Variants in MOSPD1 observed in about 807,000 individuals in gnomAD.
MOSPD1 encodes the protein motile sperm domain containing 1, also known as motile sperm domain-containing protein 1.
In MOSPD1, 5 loss-of-function variants were observed where a neutral mutation model predicts 16.7. That is an observed-to-expected ratio of 0.30 (90% CI 0.16 to 0.63). The LOEUF (loss-of-function observed/expected upper bound fraction) is 0.63. Ranked by LOEUF, MOSPD1 falls within the 30% of genes least tolerant of loss-of-function variation. MOSPD1 has a pLI of 0.82. For synonymous variants in MOSPD1, 67 were observed against 59.2 expected (o/e 1.13, Z -0.61); for missense variants, 104 against 153.6 (o/e 0.68, Z 1.71).
At chrX:134,891,142 A>G (rs1356223308) in intron 5 of MOSPD1, among the ~76,000 whole-genome samples, 2 of 111,635 alleles carry the variant, frequency 1.8e-5, no homozygotes, top group African/African-American at 3.2e-5. Context: ...GTTCATCTTT[A>G]TCACTGTATG....
chrX:134,913,510 T>C (rs186355257), intron 1 of MOSPD1, among the ~76,000 whole-genome samples: 3 of 112,336 alleles, frequency 2.7e-5, no homozygotes, highest in African/African-American at 9.7e-5. Flanking sequence ...TGATCATTTC[T>C]TAACTGTTAG....
chrX:134,911,190 G>C (rs1487245585), intron 1 of MOSPD1, among the ~76,000 whole-genome samples: 1 of 111,773 alleles, frequency 8.9e-6, no homozygotes, highest in Non-Finnish European at 1.9e-5. Context: ...GCACAGAACT[G>C]ACCAATTCAG....
chrX:134,891,880 C>A (rs1480406575), intron 4 of MOSPD1, among the ~76,000 whole-genome samples: 1 of 111,599 alleles, frequency 9.0e-6, no homozygotes, highest in Admixed American at 9.6e-5. Context: ...TGAGTTCTTA[C>A]TGAAAGGTGG....
At chrX:134,910,065 A>G (rs1437774040) in intron 1 of MOSPD1, among the ~76,000 whole-genome samples, 1 of 111,672 alleles carries the variant, frequency 9.0e-6, no homozygotes, top group Non-Finnish European at 1.9e-5. Flanking sequence ...ATATTATATG[A>G]TTATATATAT....
At chrX:134,903,711 CAAAA>C (rs772831491) in intron 1 of MOSPD1, among the ~76,000 whole-genome samples, 1 of 54,970 alleles carries the variant, frequency 1.8e-5, no homozygotes. Flanking sequence ...GACTCCATCT[CAAAA>C]AAAAAAAAAA....
chrX:134,887,710 T>G lies in MOSPD1; in HGVS notation c.*1451A>C, dbSNP rs1447433309. On this transcript the variant is annotated 3_prime_UTR_variant, in exon 6 of 6. Transcript: ENST00000370783. ...GTTATTACACACACACATGTGCACT[T>G]GCACACACGTGCACACACAGGACTT... 8.8e-6 allele frequency: 1 copy of G among 113,479 alleles called. No individual in the cohort carries two copies. The highest frequency in any genetic ancestry group is 3.2e-5 in the African/African-American group (1 of 31,208). The allele number at this position is 113,479 out of a possible 1,213,427, so 9.4% of individuals were successfully genotyped here.
At chrX:134,896,518 C>T (rs1387119977) in intron 4 of MOSPD1, among the ~76,000 whole-genome samples, 1 of 111,407 alleles carries the variant, frequency 9.0e-6, no homozygotes, top group Non-Finnish European at 1.9e-5. Flanking sequence ...AAGTATGGTG[C>T]CTGCAGTCTT....
chrX:134,907,040 C>T (rs926413094), intron 1 of MOSPD1, among the ~76,000 whole-genome samples: 7 of 111,008 alleles, frequency 6.3e-5, no homozygotes, highest in African/African-American at 2.3e-4. Flanking sequence ...ACCAGCCTGG[C>T]CATCATGGTG....
intron 1 of MOSPD1, among the ~76,000 whole-genome samples, chrX:134,906,374 C>T (rs905094434): frequency 1.9e-5 from 2 of 105,919 alleles, no homozygotes; most frequent in East Asian, 2.9e-4. Context: ...TTTGTAGAGA[C>T]GGGGTTTCAC....
At chrX:134,904,990 T>C (rs900882340) in intron 1 of MOSPD1, among the ~76,000 whole-genome samples, 2 of 111,733 alleles carry the variant, frequency 1.8e-5, no homozygotes, top group African/African-American at 6.5e-5. Flanking sequence ...GGAGATGGAC[T>C]GATCTTCAAG....
intron 1 of MOSPD1, among the ~76,000 whole-genome samples, chrX:134,907,727 C>T (rs759466765): frequency 3.0e-4 from 34 of 112,432 alleles, no homozygotes; most frequent in Non-Finnish European, 4.3e-4. Context: ...ATTAGCTGGG[C>T]GTGGTAGTGC....
chrX:134,905,564 TA>T (rs56221511), intron 1 of MOSPD1, among the ~76,000 whole-genome samples: 3 of 105,702 alleles, frequency 2.8e-5, no homozygotes, highest in South Asian at 4.1e-4. Flanking sequence ...AACGAATATT[TA>T]AAAAAAAAAT....
At chrX:134,897,758 G>A (rs1189781323) in intron 3 of MOSPD1, among the ~76,000 whole-genome samples, 1 of 111,480 alleles carries the variant, frequency 9.0e-6, no homozygotes, top group Non-Finnish European at 1.9e-5. Flanking sequence ...TTCCATGTAT[G>A]CAGGTAGAAA....
At chrX:134,907,292 A>G (rs891270397) in intron 1 of MOSPD1, among the ~76,000 whole-genome samples, 8 of 112,125 alleles carry the variant, frequency 7.1e-5, no homozygotes, top group Non-Finnish European at 1.5e-4. Flanking sequence ...CCTAATCTGT[A>G]GCAATTGTCC....
rs1013527542 is a variant in MOSPD1 at position 134,888,429 on chromosome X, G to A, written c.*732C>T. On this transcript the variant is annotated 3_prime_UTR_variant, in exon 6 of 6. Coordinates refer to ENST00000370783, the MANE Select transcript of MOSPD1 (RefSeq NM_019556.3). The stretch of plus-strand genomic sequence containing the variant: ...ACACAAAGCATTAACCAGAGGTAAA[G>A]CCAGGGTGAACCAACTAATTAAACA... 1 of 111,287 alleles carries A rather than the reference G, an allele frequency of 9.0e-6. No homozygotes were observed. The highest frequency in any genetic ancestry group is 3.3e-5 in the African/African-American group (1 of 30,516). The allele number at this position is 111,287 out of a possible 1,213,427, so 9.2% of individuals were successfully genotyped here. A position where few individuals can be genotyped will look rare whatever the true frequency, so the allele number is the denominator to read the frequency against.
At chrX:134,908,440 C>G (rs1416473672) in intron 1 of MOSPD1, among the ~76,000 whole-genome samples, 1 of 111,528 alleles carries the variant, frequency 9.0e-6, no homozygotes, top group African/African-American at 3.3e-5. Context: ...CCAGTTACCT[C>G]TCTTCCCCTC....
In MOSPD1 at chrX:134,913,569, T is replaced by C. The variant is rs190013219; in HGVS notation, c.-102+1613A>G. On this transcript the variant is annotated intron_variant, in intron 1 of 5. Transcript: ENST00000370783. ...TAAAAGCTCTCTAAGAAAAGAAAAA[T>C]AAAACACTTGGGAAGCAAATGTACA... is the stretch of plus-strand genomic sequence containing the variant. 2.7e-5 allele frequency among the ~76,000 whole-genome samples: 3 copies of C among 111,406 alleles called. No homozygotes were observed. In the Admixed American group the frequency reaches 2.9e-4, roughly 11 times the overall value.
intron 1 of MOSPD1, among the ~76,000 whole-genome samples, chrX:134,903,724 A>AAAG (rs2082926501): frequency 9.4e-6 from 1 of 106,819 alleles, no homozygotes; most frequent in African/African-American, 3.4e-5. Flanking sequence ...AAAAAAAAAA[A>AAAG]AAAAAGAAAG....
intron 1 of MOSPD1, among the ~76,000 whole-genome samples, chrX:134,912,936 CAAAA>C (rs746535932): frequency 1.5e-5 from 1 of 65,606 alleles, no homozygotes. Context: ...GACTCTGTCT[CAAAA>C]AAAAAAAAAA....
Sources: allele counts gnomAD v4.1 joint callset (sites outside exome capture counted in the v4.1 genomes callset), GRCh38; gene constraint gnomAD v4.1.1; transcripts MANE v1.5; gene names NCBI Gene and HGNC (gene_info 2026-07-23, HGNC 2026-07-21).